The following AKR7A3 variants were observed in gnomAD, a reference collection of about 807,000 sequenced individuals.
The protein encoded by AKR7A3 is aldo-keto reductase family 7 member A3, also known as AFB1 aldehyde reductase 2.
AKR7A3 carries 37 observed loss-of-function variants against 32.5 expected under a neutral mutation model. The ratio of observed to expected loss-of-function variants is 1.14; its 90% confidence interval spans 0.88 to 1.50. AKR7A3 has a LOEUF of 1.50. AKR7A3 is among the 40% of genes most tolerant of loss of function. AKR7A3 has a pLI of 0.00. For missense variants in AKR7A3, 412 were observed against 453.2 expected (o/e 0.91, Z 0.83); for synonymous variants, 177 against 188.4 (o/e 0.94, Z 0.50).
At chr1:19,282,972 C>A in intron 6 of AKR7A3, 80 bp from the exon 7 acceptor site, 1 of 1,575,998 alleles carries the variant, frequency 6.3e-7, no homozygotes, top group African/African-American at 1.4e-5. Flanking sequence ...CACCTCCCTG[C>A]TGAGATTTGG....
At chr1:19,283,857 C>T in intron 6 of AKR7A3, 139 bp downstream of exon 6, 3 of 1,418,046 alleles carry the variant, frequency 2.1e-6, no homozygotes, top group Non-Finnish European at 2.8e-6. Flanking sequence ...AGAAAAAGAC[C>T]AGTGGGAAGA....
intron 5 of AKR7A3, 139 bp downstream of exon 5, chr1:19,284,547 G>A (rs1318833766): frequency 2.1e-6 from 2 of 958,708 alleles, no homozygotes; most frequent in African/African-American, 3.3e-5. Flanking sequence ...AACCGATGGA[G>A]GGTTTGGAAA....
Position 19,282,723 on chromosome 1 carries a change from C to T in AKR7A3, c.*8G>A, listed in dbSNP as rs754210766. The T allele has an allele frequency of 3.5e-5, 56 of 1,613,710 alleles. No individual in the cohort carries two copies. The highest frequency in any genetic ancestry group is 3.3e-4 in the Middle Eastern group (2 of 6,084). The stretch of plus-strand genomic sequence containing the variant: ...GAAGAGCCTTGGGCAGCCTGAGAAA[C>T]GATGGGCCTAGCGGAAGTAGTTGGG... On this transcript the variant is annotated 3_prime_UTR_variant, in exon 7 of 7. Transcript: ENST00000361640.
the AKR7A3 span, among the ~76,000 whole-genome samples, chr1:19,274,987 A>G: frequency 2.6e-5 from 4 of 151,300 alleles, no homozygotes; most frequent in Non-Finnish European, 5.9e-5. Context: ...ATCAATAATT[A>G]CATTAAATAT....
At chr1:19,284,653 C>G (rs1378121940) in intron 5 of AKR7A3, 33 bp downstream of exon 5, 2 of 1,609,296 alleles carry the variant, frequency 1.2e-6, no homozygotes, top group African/African-American at 2.7e-5. Flanking sequence ...CTGACCCCAC[C>G]CCAGCCATCC....
At chr1:19,284,174 A>C (rs1383543093) in intron 5 of AKR7A3, 49 bp from the exon 6 acceptor site, 1 of 1,571,736 alleles carries the variant, frequency 6.4e-7, no homozygotes, top group Admixed American at 1.8e-5. Flanking sequence ...ATTGGGAGCC[A>C]CAACCAAAGA....
rs779993178 is a variant in AKR7A3, at chr1:19,285,119, A to C, written c.508-5T>G. 1.9e-6 allele frequency: 3 copies of C among 1,613,370 alleles called. No individual in the cohort carries two copies. Among genetic ancestry groups the C allele is most frequent in the Non-Finnish European group, 2.5e-6 (3 of 1,179,776 alleles). ...GGTGATGGCATTGTACATGCCCTGT[A>C]AGGAGAGGGGCCCCGGGGGAGAGGG... On this transcript the variant is annotated splice_polypyrimidine_tract_variant and splice_region_variant and intron_variant, in intron 3 of 6. Coordinates refer to ENST00000361640, the MANE Select transcript of AKR7A3 (RefSeq NM_012067.3).
At position 19,284,788 on chromosome 1, in the gene AKR7A3, G is replaced by A; in HGVS notation, c.605-3C>T. 3 of 1,613,846 alleles carry A rather than the reference G, an allele frequency of 1.9e-6. No individual in the cohort carries two copies. Among genetic ancestry groups the A allele is most frequent in the Non-Finnish European group, 1.7e-6 (2 of 1,179,942 alleles). On this transcript the variant is annotated splice_region_variant and splice_polypyrimidine_tract_variant and intron_variant, in intron 4 of 6. Transcript: ENST00000361640. ...GTACTTGCCGGTCAGCAGGCCCCCT[G>A]AGGGAAAGCAGCAATCAGCCCCGGG... is the stretch of plus-strand genomic sequence containing the variant.
At position 19,288,556 on chromosome 1, in the gene AKR7A3, C is replaced by A; in HGVS notation, c.154G>T (p.Gly52Cys). Reference protein sequence around the residue: ...EIDTAFVYSEGQSETILGGLG... With the variant: ...EIDTAFVYSECQSETILGGLG... ...CCGCCAAGGATGGTCTCGGACTGGCCCTCGCTGTACACGAAGGCCGTGTCT... is the reference window on the plus strand; with the variant it reads ...CCGCCAAGGATGGTCTCGGACTGGCACTCGCTGTACACGAAGGCCGTGTCT... Residue 52 changes from glycine to cysteine, a missense_variant, in exon 1 of 7, where the codon GGC (glycine) becomes TGC (cysteine). Gly to Cys is a radical substitution (Grantham distance 159, BLOSUM62 -3). Coordinates refer to ENST00000361640, the MANE Select transcript of AKR7A3 (RefSeq NM_012067.3). 6.2e-7 allele frequency: 1 copy of A among 1,610,512 alleles called. No individual in the cohort carries two copies. The highest frequency in any genetic ancestry group is 8.5e-7 in the Non-Finnish European group (1 of 1,179,224).
chr1:19,275,747 G>A, the AKR7A3 span, among the ~76,000 whole-genome samples: 333 of 151,912 alleles, frequency 2.2e-3, 6 homozygotes, highest in Admixed American at 3.5e-3. Context: ...CAAGGCTGCA[G>A]TGAGCTGTGA....
rs1247898908 is a variant in AKR7A3 at position 19,284,713 on chromosome 1, T to G, written c.677A>C (p.Asn226Thr). Residue 226 changes from asparagine (N) to threonine (T), a missense_variant, in exon 5 of 7, where the codon AAT becomes ACT. Physicochemically the swap from Asn to Thr is moderately conservative, Grantham distance 65 (BLOSUM62 0). Coordinates refer to ENST00000361640, the MANE Select transcript of AKR7A3 (RefSeq NM_012067.3). Reference sequence around the variant, plus strand: ...ATTCCTGTACATCTCTGCCCAGGTATTCCCAAAGAAGCGGCCCACGGGCTG... The same window carrying G: ...ATTCCTGTACATCTCTGCCCAGGTAGTCCCAAAGAAGCGGCCCACGGGCTG... Reference protein sequence around the residue: ...GKQPVGRFFGNTWAEMYRNRY... With the variant: ...GKQPVGRFFGTTWAEMYRNRY... 2 of 1,613,762 alleles carry G rather than the reference T, an allele frequency of 1.2e-6. No homozygotes were observed. Among genetic ancestry groups the G allele is most frequent in the Non-Finnish European group, 8.5e-7 (1 of 1,180,006 alleles).
At chr1:19,284,253 G>T in intron 5 of AKR7A3, 128 bp from the exon 6 acceptor site, 2 of 1,330,694 alleles carry the variant, frequency 1.5e-6, no homozygotes, top group Non-Finnish European at 1.0e-6. Flanking sequence ...TCTAGCCATG[G>T]GTCTCCCACT....
At chr1:19,274,533 G>T in the AKR7A3 span, among the ~76,000 whole-genome samples, 4,271 of 151,838 alleles carry the variant, frequency 0.028, 74 homozygotes, top group South Asian at 0.053. Context: ...CCTGCCTGCC[G>T]TGTGGTCCTG....
At chr1:19,287,436 A>G (rs1210183325) in intron 1 of AKR7A3, among the ~76,000 whole-genome samples, 1 of 151,842 alleles carries the variant, frequency 6.6e-6, no homozygotes, top group Non-Finnish European at 1.5e-5. Context: ...GTGGTGAATC[A>G]GAGGAGAAAT....
intron 6 of AKR7A3, among the ~76,000 whole-genome samples, chr1:19,283,205 T>C (rs2093722005): frequency 6.7e-6 from 1 of 149,208 alleles, no homozygotes; most frequent in Non-Finnish European, 1.5e-5. Context: ...TGGTTATGGG[T>C]GTGAAAAATT....
rs781604118 is a variant in AKR7A3, at chr1:19,284,684, A to T, written c.704+2T>A. 6.2e-7 allele frequency: 1 copy of T among 1,613,668 alleles called. No homozygotes were observed. The highest frequency in any genetic ancestry group is 8.5e-7 in the Non-Finnish European group (1 of 1,179,936). ...CATCCACACCAAGCACCCACAGCTT[A>T]CCGATTCCTGTACATCTCTGCCCAG... is the stretch of plus-strand genomic sequence containing the variant. On this transcript the variant is annotated splice_donor_variant, in intron 5 of 6. Coordinates refer to ENST00000361640, the MANE Select transcript of AKR7A3 (RefSeq NM_012067.3). LOFTEE classifies it high-confidence loss of function.
Position 19,288,399 on chromosome 1 carries a change from G to C in AKR7A3, c.214+97C>G, listed in dbSNP as rs2093734734. The C allele has an allele frequency of 5.6e-6, 8 of 1,437,204 alleles. No homozygotes were observed. The Admixed American group carries it at 1.8e-4, about 33-fold the overall frequency. 89.0% of individuals were successfully genotyped at this position (1,437,204 alleles called of 1,614,324 possible). A position where few individuals can be genotyped will look rare whatever the true frequency, so the allele number is the denominator to read the frequency against. On this transcript the variant is annotated intron_variant, in intron 1 of 6. Transcript: ENST00000361640. ...GGGGCGGTGGGGGGGACAAAACTTT[G>C]GGTGCTGCCCCGGGGCCAGGGAGAG... is the stretch of plus-strand genomic sequence containing the variant.
the AKR7A3 span, among the ~76,000 whole-genome samples, chr1:19,274,899 C>CAAAAAAAAAAAAAAAAAAAAAAAAAAAA: frequency 7.0e-4 from 31 of 44,282 alleles, 1 homozygote; most frequent in Non-Finnish European, 8.4e-4. Flanking sequence ...TCTCTAAATA[C>CAAAAAAAAAAAAAAAAAAAAAAAAAAAA]AAAAAAAAAA....
chr1:19,275,673 C>T, the AKR7A3 span, among the ~76,000 whole-genome samples: 94,867 of 151,366 alleles, frequency 0.63, 30,954 homozygotes, highest in South Asian at 0.79. Flanking sequence ...AATGTGGTAG[C>T]ATGTGCCTGT....
Sources: gnomAD v4.1 joint callset for allele counts (sites outside exome capture counted in the v4.1 genomes callset) on GRCh38, gnomAD v4.1.1 for gene constraint, MANE v1.5 for transcripts, NCBI Gene and HGNC (gene_info 2026-07-23, HGNC 2026-07-21) for gene names.